Variants in ZPLD1 observed in about 807,000 individuals in gnomAD.
The protein encoded by ZPLD1 is zona pellucida like domain containing 1, also known as zona pellucida-like domain-containing protein 1.
A neutral mutation model predicts 47.2 loss-of-function variants in ZPLD1; 34 were observed. The observed-to-expected ratio is 0.72, with a 90% CI of 0.55 to 0.96. ZPLD1 has a LOEUF of 0.96. ZPLD1 is among the 40% of genes least tolerant of loss of function. ZPLD1 has a pLI of 0.00. For missense variants in ZPLD1, 512 were observed against 505.8 expected (o/e 1.01, Z -0.12); for synonymous variants, 176 against 186.2 (o/e 0.95, Z 0.45).
chr3:102,421,852 A>G (rs1228483770), intron 8 of ZPLD1, among the ~76,000 whole-genome samples: 1 of 151,974 alleles, frequency 6.6e-6, no homozygotes, highest in African/African-American at 2.4e-5. Context: ...AGCAATTTTT[A>G]TTGTGAGTTT....
At position 102,423,093 on chromosome 3, in the gene ZPLD1, A is replaced by G. The variant is rs149490580; in HGVS notation, c.-9+4886A>G. On this transcript the variant is annotated intron_variant, in intron 8 of 17. Coordinates refer to the ZPLD1 transcript ENST00000491959. The stretch of plus-strand genomic sequence containing the variant: ...TTTTACTTTTGGTCCAAAACTTTTC[A>G]CTTCATTTGTAAGGACTCTATCAAA... Among the ~76,000 whole-genome samples the G allele has an allele frequency of 2.7e-3, 411 of 152,194 alleles. 1 individual carries two copies. Among genetic ancestry groups the G allele is most frequent in the African/African-American group, 9.4e-3 (391 of 41,554 alleles).
chr3:102,405,031 C>T (rs913542605), intron 7 of ZPLD1, among the ~76,000 whole-genome samples: 3 of 151,990 alleles, frequency 2.0e-5, no homozygotes, highest in South Asian at 4.1e-4. Context: ...GAGCTTGTAA[C>T]AGCTGCTGTG....
chr3:102,474,738 A>G (rs541222338), intron 10 of ZPLD1, among the ~76,000 whole-genome samples: 17 of 152,334 alleles, frequency 1.1e-4, no homozygotes, highest in Admixed American at 9.2e-4. Context: ...CTGGCTTTCA[A>G]ATGGCTGTGG....
At chr3:102,476,975 A>G (rs1264862525) in intron 10 of ZPLD1, 37 bp from the exon 11 acceptor site, 2 of 1,608,338 alleles carry the variant, frequency 1.2e-6, no homozygotes, top group African/African-American at 1.3e-5. Context: ...ATTTGGAGAG[A>G]TGATGTCACT....
intron 6 of ZPLD1, among the ~76,000 whole-genome samples, chr3:102,390,247 C>A (rs548726728): frequency 6.6e-6 from 1 of 152,280 alleles, no homozygotes. Flanking sequence ...ACACAGCGTG[C>A]TTTCTACTCT....
chr3:102,413,348 T>G (rs1459737216), intron 7 of ZPLD1, among the ~76,000 whole-genome samples: 1 of 151,876 alleles, frequency 6.6e-6, no homozygotes, highest in African/African-American at 2.4e-5. Context: ...TTTGAAAAGT[T>G]AATTATTTGT....
At chr3:102,452,639 C>T (rs1037580616) in intron 3 of ZPLD1, among the ~76,000 whole-genome samples, 2 of 152,172 alleles carry the variant, frequency 1.3e-5, no homozygotes, top group African/African-American at 4.8e-5. Flanking sequence ...TTTGGCAATA[C>T]TTGATCAACA....
At chr3:102,413,644 T>C (rs1468221684) in intron 7 of ZPLD1, among the ~76,000 whole-genome samples, 4 of 151,726 alleles carry the variant, frequency 2.6e-5, no homozygotes, top group African/African-American at 7.3e-5. Flanking sequence ...AAACCTACTC[T>C]TTAACTCAGG....
intron 7 of ZPLD1, among the ~76,000 whole-genome samples, chr3:102,403,803 A>C (rs1485274161): frequency 1.3e-5 from 2 of 151,922 alleles, no homozygotes; most frequent in Non-Finnish European, 2.9e-5. Flanking sequence ...GGCGGTGTGA[A>C]TTGAGAAGGT....
intron 3 of ZPLD1, among the ~76,000 whole-genome samples, chr3:102,449,531 A>C (rs1428543053): frequency 1.3e-5 from 2 of 152,176 alleles, no homozygotes; most frequent in Non-Finnish European, 2.9e-5. Context: ...CACGCGATTC[A>C]GCTCCATCCT....
Position 102,435,121 on chromosome 3 carries a change from C to T in ZPLD1, c.-156C>T. On this transcript the variant is annotated 5_prime_UTR_variant, in exon 1 of 12. Coordinates refer to ENST00000466937, the MANE Select transcript of ZPLD1 (RefSeq NM_001329788.2). ...CCAAGCTTGCTATGGCAAGATGATGCTCAGGTTTTCCATGTGCAGGGGAAA... is the reference window on the plus strand; with the variant it reads ...CCAAGCTTGCTATGGCAAGATGATGTTCAGGTTTTCCATGTGCAGGGGAAA... 1.9e-6 allele frequency: 3 copies of T among 1,614,116 alleles called. No individual in the cohort carries two copies. The highest frequency in any genetic ancestry group is 1.7e-6 in the Non-Finnish European group (2 of 1,180,006).
intron 7 of ZPLD1, among the ~76,000 whole-genome samples, chr3:102,417,134 T>C (rs1317798902): frequency 2.6e-5 from 4 of 151,878 alleles, no homozygotes; most frequent in East Asian, 1.9e-4. Context: ...CCTGAGCCAA[T>C]AGAATAAAAT....
chr3:102,470,951 G>A (rs1707675298), intron 10 of ZPLD1, among the ~76,000 whole-genome samples: 1 of 151,940 alleles, frequency 6.6e-6, no homozygotes, highest in Non-Finnish European at 1.5e-5. Context: ...GCTAATTTTT[G>A]TATTTTTAGT....
chr3:102,454,010 A>G (rs1279776846), intron 4 of ZPLD1, among the ~76,000 whole-genome samples: 3 of 152,216 alleles, frequency 2.0e-5, no homozygotes, highest in South Asian at 2.1e-4. Context: ...CAAATATAAA[A>G]AGGAAGTGCA....
At chr3:102,460,953 A>G (rs1314326597) in intron 6 of ZPLD1, among the ~76,000 whole-genome samples, 2 of 151,982 alleles carry the variant, frequency 1.3e-5, no homozygotes, top group African/African-American at 2.4e-5. Context: ...CCTATCAGAC[A>G]TGGTTAGAGG....
rs537289075 is a variant in ZPLD1 at position 102,438,551 on chromosome 3, A to G, written c.64A>G (p.Asn22Asp). The G allele has an allele frequency of 2.5e-6, 4 of 1,613,960 alleles. No homozygotes were observed. The highest frequency in any genetic ancestry group is 2.2e-5 in the East Asian group (1 of 44,880). Reference protein sequence around the residue: ...IRVLPGSAQFNGYNCDANLHS... With the variant: ...IRVLPGSAQFDGYNCDANLHS... ...AGTGCTTCCGGGGTCTGCTCAGTTCAACGGCTACAACTGTGATGCCAACCT... is the reference window on the plus strand; with the variant it reads ...AGTGCTTCCGGGGTCTGCTCAGTTCGACGGCTACAACTGTGATGCCAACCT... The change falls in exon 3 of 12, where the codon AAC becomes GAC. Residue 22 changes from asparagine (N) to aspartate (D), a missense_variant. By Grantham distance (23) the Asn-to-Asp change is conservative (BLOSUM62 1). Coordinates refer to ENST00000466937, the MANE Select transcript of ZPLD1 (RefSeq NM_001329788.2).
At chr3:102,403,957 A>G (rs1706653774) in intron 7 of ZPLD1, among the ~76,000 whole-genome samples, 1 of 152,038 alleles carries the variant, frequency 6.6e-6, no homozygotes, top group Non-Finnish European at 1.5e-5. Context: ...GGAAAATTGC[A>G]AAGTAGTACC....
chr3:102,469,158 T>A (rs779162914), intron 9 of ZPLD1, 23 bp downstream of exon 9: 3 of 1,596,600 alleles, frequency 1.9e-6, no homozygotes, highest in East Asian at 4.5e-5. Flanking sequence ...GGAACTTCAT[T>A]TTAAGTTGTT....
At position 102,412,814 on chromosome 3, in the gene ZPLD1, T is replaced by C. The variant is rs75829348; in HGVS notation, c.-156-5246T>C. ...ACAGGGACATATGTATATATCCCTA[T>C]ATATACACACATATGTGTATATATA... On this transcript the variant is annotated intron_variant, in intron 7 of 17. Transcript: ENST00000491959. Among the ~76,000 whole-genome samples, 1,110 of 151,772 alleles carry C rather than the reference T, an allele frequency of 7.3e-3. 9 individuals are homozygous for C. Among genetic ancestry groups the C allele is most frequent in the African/African-American group, 0.025 (1,049 of 41,450 alleles).
Sources: allele counts gnomAD v4.1 joint callset (sites outside exome capture counted in the v4.1 genomes callset), GRCh38; gene constraint gnomAD v4.1.1; transcripts MANE v1.5; gene names NCBI Gene and HGNC (gene_info 2026-07-23, HGNC 2026-07-21).